TIMP2: variants seen among roughly 807,000 people sequenced by gnomAD.
TIMP2 encodes the protein metalloproteinase inhibitor 2.
A neutral mutation model predicts 24.3 loss-of-function variants in TIMP2; 5 were observed. That is an observed-to-expected ratio of 0.21 (90% CI 0.11 to 0.43). The LOEUF (loss-of-function observed/expected upper bound fraction) is 0.43, where lower values mean the gene tolerates loss of function less well. Among genes scored for constraint, TIMP2 ranks in the 20% least tolerant of loss-of-function variants. The pLI is 1.00. For synonymous variants in TIMP2, 130 were observed against 123.2 expected, an observed-to-expected ratio of 1.06 and a Z score of -0.37; for missense variants, 221 against 297.5, an observed-to-expected ratio of 0.74 and a Z score of 1.89.
intron 1 of TIMP2, among the ~76,000 whole-genome samples, chr17:78,916,596 G>A (rs1263285481): frequency 6.6e-6 from 1 of 152,122 alleles, no homozygotes; most frequent in Non-Finnish European, 1.5e-5. Flanking sequence ...CATCTCCTGG[G>A]TCTTCCCCAG....
chr17:78,857,716 C>G, intron 3 of TIMP2, 70 bp from the exon 4 acceptor site: 1 of 1,601,296 alleles, frequency 6.2e-7, no homozygotes, highest in Non-Finnish European at 8.5e-7. Flanking sequence ...CTCCTCCACC[C>G]GGCGCAGGGG....
intron 1 of TIMP2, among the ~76,000 whole-genome samples, chr17:78,885,028 C>A (rs955283542): frequency 6.6e-6 from 1 of 152,198 alleles, no homozygotes; most frequent in Non-Finnish European, 1.5e-5. Context: ...GTAGCACCTG[C>A]CAGACCCTGC....
At position 78,891,810 on chromosome 17, in the gene TIMP2, T is replaced by C. The variant is rs781261187; in HGVS notation, c.131-17891A>G. ...ATGGCACAGCGGCCACCCCCAGACTTGGTCGAAGGTTCTGGCCTTCCCTTT... is the reference window on the plus strand; with the variant it reads ...ATGGCACAGCGGCCACCCCCAGACTCGGTCGAAGGTTCTGGCCTTCCCTTT... On this transcript the variant is annotated intron_variant, in intron 1 of 4. Coordinates refer to ENST00000262768, the MANE Select transcript of TIMP2 (RefSeq NM_003255.5). This position sits in a 1 kb window ranked among gnomAD's most constrained non-coding sequence, Gnocchi z 4.5. 1.3e-4 allele frequency: 197 copies of C among 1,550,816 alleles called. No homozygotes were observed. The Admixed American group carries it at 3.7e-3, about 29-fold the overall frequency.
intron 1 of TIMP2, among the ~76,000 whole-genome samples, chr17:78,910,012 G>T (rs1050062351): frequency 3.3e-5 from 5 of 151,990 alleles, no homozygotes; most frequent in African/African-American, 1.2e-4. Flanking sequence ...TATTTTTAAT[G>T]GACACATAAT....
intron 4 of TIMP2, 186 bp from the exon 5 acceptor site, chr17:78,856,050 A>G: frequency 1.6e-6 from 1 of 629,060 alleles, no homozygotes; most frequent in South Asian, 1.9e-5. Context: ...TCTAACCTGC[A>G]GGGAAGCTGT....
intron 1 of TIMP2, among the ~76,000 whole-genome samples, chr17:78,885,817 C>G (rs975139679): frequency 4.6e-5 from 7 of 152,188 alleles, no homozygotes; most frequent in African/African-American, 1.7e-4. Flanking sequence ...AGGGCTCTCA[C>G]CAGCTCCTGG....
Position 78,854,972 on chromosome 17 carries a change from G to A in TIMP2, c.*695C>T, listed in dbSNP as rs1419832247. The A allele has an allele frequency of 6.6e-6, 1 of 151,294 alleles. No homozygotes were observed. Among genetic ancestry groups the A allele is most frequent in the Non-Finnish European group, 1.5e-5 (1 of 67,980 alleles). The allele number at this position is 151,294 out of a possible 1,614,324, so 9.4% of individuals were successfully genotyped here. A position where few individuals can be genotyped will look rare whatever the true frequency, so the allele number is the denominator to read the frequency against. ...TGCAGACCAAAAAGACTCAGCTGAG[G>A]CTGGAACGCAGCTCAGCTGGGGTTT... On this transcript the variant is annotated 3_prime_UTR_variant, in exon 5 of 5. Coordinates refer to ENST00000262768, the MANE Select transcript of TIMP2 (RefSeq NM_003255.5).
chr17:78,871,881 T>C (rs868188649), intron 2 of TIMP2, among the ~76,000 whole-genome samples: 1 of 150,884 alleles, frequency 6.6e-6, no homozygotes, highest in South Asian at 2.1e-4. Context: ...GAGCATGACA[T>C]CCTCAGACAA....
chr17:78,921,171 T>C (rs1762318666), intron 1 of TIMP2, among the ~76,000 whole-genome samples: 1 of 152,178 alleles, frequency 6.6e-6, no homozygotes, highest in African/African-American at 2.4e-5. Context: ...TGCTGTGTGT[T>C]TTCTGGGGTG....
chr17:78,891,904 A>T lies in TIMP2; in HGVS notation c.131-17985T>A. ...CTTTTGTAGTCTGTGGTTTCTCTGG[A>T]CTCGCTGCTGTCTTCCGGGGCCTGG... On this transcript the variant is annotated intron_variant, in intron 1 of 4. Coordinates refer to ENST00000262768, the MANE Select transcript of TIMP2 (RefSeq NM_003255.5). The surrounding 1 kb of genome is among the most constrained non-coding windows in gnomAD (Gnocchi z 4.5). 1 of 1,550,176 alleles carries T rather than the reference A, an allele frequency of 6.5e-7. No individual in the cohort carries two copies. The highest frequency in any genetic ancestry group is 8.7e-7 in the Non-Finnish European group (1 of 1,146,900).
intron 3 of TIMP2, among the ~76,000 whole-genome samples, chr17:78,868,032 G>A (rs2069633394): frequency 6.6e-6 from 1 of 152,146 alleles, no homozygotes; most frequent in South Asian, 2.1e-4. Context: ...ATCTCACCGT[G>A]GGAATCTCCC....
In TIMP2 at chr17:78,915,279, G is replaced by T. The variant is rs76668868; in HGVS notation, c.130+9680C>A. ...ATCTGTAATATCATTTGAAATGTCT[G>T]CTCACTCTGTTGCGGCAGGGAGAAA... is the stretch of plus-strand genomic sequence containing the variant. On this transcript the variant is annotated intron_variant, in intron 1 of 4. Coordinates refer to ENST00000262768, the MANE Select transcript of TIMP2 (RefSeq NM_003255.5). Among the ~76,000 whole-genome samples the T allele has an allele frequency of 2.2e-3, 338 of 152,226 alleles. 13 individuals are homozygous for T. The East Asian group carries it at 0.053, about 24-fold the overall frequency.
At position 78,871,449 on chromosome 17, in the gene TIMP2, CA is replaced by C. The variant is rs749440079; in HGVS notation, c.232-444del. ...CCTGTATGACAGAGTAAGACTCCGT[CA>C]AAAAAAAAAAAAAAAAAAAAGAAAA... is the stretch of plus-strand genomic sequence containing the variant. On this transcript the variant is annotated intron_variant, in intron 2 of 4. Transcript: ENST00000262768. Among the ~76,000 whole-genome samples the C allele has an allele frequency of 1.5e-3, 182 of 122,552 alleles. 2 individuals are homozygous for C. Among genetic ancestry groups the C allele is most frequent in the South Asian group, 6.0e-3 (21 of 3,482 alleles). The allele number at this position is 122,552 out of a possible 152,430, so 80.4% of individuals were successfully genotyped here.
chr17:78,918,276 T>C (rs1200262873), intron 1 of TIMP2, among the ~76,000 whole-genome samples: 1 of 152,234 alleles, frequency 6.6e-6, no homozygotes, highest in East Asian at 1.9e-4. Context: ...AAGCTTTCCC[T>C]GGGCTCCAGT....
At position 78,891,108 on chromosome 17, in the gene TIMP2, A is replaced by G. The variant is rs1274402095; in HGVS notation, c.131-17189T>C. ...GTCTCTTGTCCAGATTCAGTGCTAT[A>G]CAATAATGAGTCCTCTTTGTTGATA... On this transcript the variant is annotated intron_variant, in intron 1 of 4. Coordinates refer to ENST00000262768, the MANE Select transcript of TIMP2 (RefSeq NM_003255.5). This position sits in a 1 kb window ranked among gnomAD's most constrained non-coding sequence, Gnocchi z 4.5. 3.9e-6 allele frequency: 6 copies of G among 1,550,770 alleles called. No individual in the cohort carries two copies. Among genetic ancestry groups the G allele is most frequent in the Non-Finnish European group, 5.2e-6 (6 of 1,147,030 alleles).
At chr17:78,868,740 CTAGCCATATCTCGGGTGCTCAT>C (rs1362104784) in intron 3 of TIMP2, among the ~76,000 whole-genome samples, 2 of 152,128 alleles carry the variant, frequency 1.3e-5, no homozygotes, top group African/African-American at 4.8e-5. Context: ...CTCGGCTGCA[CTAGCCATATCTCGGGTGCTCAT>C]GAGCCACAAG....
At chr17:78,884,328 G>A (rs537023505) in intron 1 of TIMP2, among the ~76,000 whole-genome samples, 5 of 152,336 alleles carry the variant, frequency 3.3e-5, no homozygotes, top group Admixed American at 2.0e-4. Flanking sequence ...CTCCCAAGCC[G>A]ATCCATTTTT....
At chr17:78,922,750 C>T (rs1273687726) in intron 1 of TIMP2, among the ~76,000 whole-genome samples, 3 of 152,050 alleles carry the variant, frequency 2.0e-5, no homozygotes, top group Non-Finnish European at 2.9e-5. Context: ...ACCCAGGAGG[C>T]GGAGGCTGCA....
At chr17:78,862,140 C>G (rs2069572027) in intron 3 of TIMP2, among the ~76,000 whole-genome samples, 1 of 152,166 alleles carries the variant, frequency 6.6e-6, no homozygotes, top group Non-Finnish European at 1.5e-5. Flanking sequence ...AGGGCCAACT[C>G]TGTATGAGTC....
Sources: allele counts gnomAD v4.1 joint callset (sites outside exome capture counted in the v4.1 genomes callset), GRCh38; gene constraint gnomAD v4.1.1; non-coding constraint Gnocchi (gnomAD v3.1); transcripts MANE v1.5; gene names NCBI Gene and HGNC (gene_info 2026-07-23, HGNC 2026-07-21).